C2CD4C: variants seen among roughly 807,000 people sequenced by gnomAD.
C2CD4C encodes the protein C2 calcium-dependent domain-containing protein 4C.
In C2CD4C, 3 loss-of-function variants were observed where a neutral mutation model predicts 4.1. The ratio of observed to expected loss-of-function variants is 0.73; its 90% confidence interval spans 0.33 to 1.88. C2CD4C has a LOEUF of 1.88. Ranked by LOEUF, C2CD4C falls within the 40% of genes most tolerant of loss-of-function variation. The pLI, the probability that C2CD4C is intolerant of heterozygous loss-of-function variation, is 0.08. For synonymous variants in C2CD4C, 364 were observed against 290.4 expected, an observed-to-expected ratio of 1.25 and a Z score of -2.57; for missense variants, 664 against 621.5, an observed-to-expected ratio of 1.07 and a Z score of -0.73.
In C2CD4C at chr19:407,506, G is replaced by C. The variant is rs1384191247; in HGVS notation, c.856C>G (p.Pro286Ala). The C allele has an allele frequency of 1.4e-6, 2 of 1,381,552 alleles. No homozygotes were observed. The highest frequency in any genetic ancestry group is 3.0e-5 in the East Asian group (1 of 32,982). 85.6% of individuals were successfully genotyped at this position (1,381,552 alleles called of 1,614,324 possible). A position where few individuals can be genotyped will look rare whatever the true frequency, so the allele number is the denominator to read the frequency against. Residue 286 changes from proline to alanine, a missense_variant, in exon 2 of 2, where the codon CCG becomes GCG. Physicochemically the swap from Pro to Ala is conservative, Grantham distance 27. Transcript: ENST00000332235. The stretch of plus-strand genomic sequence containing the variant: ...TGGCCCGACTCGGGGCCAGGTTCCG[G>C]GGGTGCCCGGCGGGTCAGGCGGCGC... ...SRRRLTRRAPPEPGPESGQAR... is the reference protein window; with the variant it reads ...SRRRLTRRAPAEPGPESGQAR...
chr19:408,505 G>T (rs1364015981), intron 1 of C2CD4C, 104 bp from the exon 2 acceptor site: 2 of 649,332 alleles, frequency 3.1e-6, no homozygotes, highest in Non-Finnish European at 2.4e-6. Flanking sequence ...CCGGCGGGGT[G>T]GGGGTGGAGG....
Position 407,548 on chromosome 19 carries a change from C to T in C2CD4C, c.814G>A (p.Ala272Thr), listed in dbSNP as rs1407962276. ...AGGCGGCGCCGGCTCCCGGGGCTGG[C>T]GTCCGGGGTGCTGTCGTCCGCAGAC... ...SLSADDSTPD[A>T]SPGSRRRLTR... The change falls in exon 2 of 2, where the codon GCC becomes ACC. Residue 272 changes from alanine (A) to threonine (T), a missense_variant. By Grantham distance (58) the Ala-to-Thr change is moderately conservative. Transcript: ENST00000332235. 6 of 1,397,184 alleles carry T rather than the reference C, an allele frequency of 4.3e-6. No homozygotes were observed. The highest frequency in any genetic ancestry group is 3.7e-6 in the Non-Finnish European group (4 of 1,076,644). 86.5% of individuals were successfully genotyped at this position (1,397,184 alleles called of 1,614,324 possible). A position where few individuals can be genotyped will look rare whatever the true frequency, so the allele number is the denominator to read the frequency against.
In C2CD4C at chr19:408,217, C is replaced by A; in HGVS notation, c.145G>T (p.Asp49Tyr). The change falls in exon 2 of 2, where the codon GAC becomes TAC. Residue 49 changes from aspartate (D) to tyrosine (Y), a missense_variant. Transcript: ENST00000332235. ...SNVLTPDKIPDFFIPPKLPSG... is the reference protein window; with the variant it reads ...SNVLTPDKIPYFFIPPKLPSG... Reference sequence around the variant, plus strand: ...GGCAGCTTGGGGGGGATGAAAAAGTCGGGGATCTTGTCGGGCGTCAACACA... The same window carrying A: ...GGCAGCTTGGGGGGGATGAAAAAGTAGGGGATCTTGTCGGGCGTCAACACA... The A allele has an allele frequency of 6.8e-7, 1 of 1,462,420 alleles. No homozygotes were observed. Among genetic ancestry groups the A allele is most frequent in the South Asian group, 1.4e-5 (1 of 69,912 alleles). 90.6% of individuals were successfully genotyped at this position (1,462,420 alleles called of 1,614,324 possible). A position where few individuals can be genotyped will look rare whatever the true frequency, so the allele number is the denominator to read the frequency against.
chr19:408,129 A>T lies in C2CD4C; in HGVS notation c.233T>A (p.Leu78Gln). 1 of 1,465,740 alleles carries T rather than the reference A, an allele frequency of 6.8e-7. No individual in the cohort carries two copies. Among genetic ancestry groups the T allele is most frequent in the South Asian group, 1.4e-5 (1 of 69,610 alleles). The allele number at this position is 1,465,740 out of a possible 1,614,324, so 90.8% of individuals were successfully genotyped here. Reference protein sequence around the residue: ...ALGPSTSEQNLASAAPRQTPR... With the variant: ...ALGPSTSEQNQASAAPRQTPR... ...GGTCTGGCGGGGGGCCGCAGAGGCC[A>T]GGTTCTGTTCCGACGTGGAGGGGCC... Residue 78 changes from leucine to glutamine, a missense_variant, in exon 2 of 2, where the codon CTG (leucine) becomes CAG (glutamine). Physicochemically the swap from Leu to Gln is moderately radical, Grantham distance 113 (BLOSUM62 -2). Transcript: ENST00000332235.
At position 408,160 on chromosome 19, in the gene C2CD4C, CG is replaced by C; in HGVS notation, c.201del (p.Ala68ArgfsTer37). Reference protein sequence around the residue: ...PSGPAEGEGQAALGPSTSEQN... With the variant: ...PSGPAEGEGQXALGPSTSEQN... ...TGTTCCGACGTGGAGGGGCCCAGCG[CG>C]GCCTGTCCCTCGCCCTCCGCGGGGC... On this transcript the variant is annotated frameshift_variant, in exon 2 of 2. Coordinates refer to ENST00000332235, the MANE Select transcript of C2CD4C (RefSeq NM_001136263.2). LOFTEE classifies it low-confidence loss of function (END_TRUNC). 6.9e-7 allele frequency: 1 copy of C among 1,451,944 alleles called. No homozygotes were observed. The highest frequency in any genetic ancestry group is 9.1e-7 in the Non-Finnish European group (1 of 1,101,860). The allele number at this position is 1,451,944 out of a possible 1,614,324, so 89.9% of individuals were successfully genotyped here.
Position 407,816 on chromosome 19 carries a change from C to A in C2CD4C, c.546G>T (p.Gly182=). 6.5e-7 allele frequency: 1 copy of A among 1,538,158 alleles called. No individual in the cohort carries two copies. The highest frequency in any genetic ancestry group is 8.8e-7 in the Non-Finnish European group (1 of 1,141,428). The part of the protein sequence containing the change: ...ALAQVGSPGA[G]RRRAAAKANG... ...TGGCCTTGGCAGCTGCCCGGCGGCG[C>A]CCGGCCCCTGGGGAGCCCACCTGGG... The change falls in exon 2 of 2, where the codon GGG becomes GGT. Residue 182 remains glycine, a synonymous_variant. Transcript: ENST00000332235.
rs1432054215 is a variant in C2CD4C at position 407,489 on chromosome 19, C to T, written c.873G>A (p.Glu291=). The T allele has an allele frequency of 2.2e-6, 3 of 1,381,248 alleles. No individual in the cohort carries two copies. Among genetic ancestry groups the T allele is most frequent in the Non-Finnish European group, 2.8e-6 (3 of 1,071,868 alleles). The allele number at this position is 1,381,248 out of a possible 1,614,324, so 85.6% of individuals were successfully genotyped here. The change falls in exon 2 of 2, where the codon GAG becomes GAA. Residue 291 remains glutamate (E), a synonymous_variant. Coordinates refer to ENST00000332235, the MANE Select transcript of C2CD4C (RefSeq NM_001136263.2). ...TGTGCTCCCCACGCGCCTGGCCCGACTCGGGGCCAGGTTCCGGGGGTGCCC... is the reference window on the plus strand; with the variant it reads ...TGTGCTCCCCACGCGCCTGGCCCGATTCGGGGCCAGGTTCCGGGGGTGCCC... The part of the protein sequence containing the change: ...TRRAPPEPGP[E]SGQARGEHTV...
In C2CD4C at chr19:407,584, G is replaced by T. The variant is rs546845194; in HGVS notation, c.778C>A (p.His260Asn). The T allele has an allele frequency of 7.0e-7, 1 of 1,429,420 alleles. No homozygotes were observed. The highest frequency in any genetic ancestry group is 3.0e-5 in the Admixed American group (1 of 32,808). 88.5% of individuals were successfully genotyped at this position (1,429,420 alleles called of 1,614,324 possible). A position where few individuals can be genotyped will look rare whatever the true frequency, so the allele number is the denominator to read the frequency against. Reference protein sequence around the residue: ...VSQLRHSVGRHGSLSADDSTP... With the variant: ...VSQLRHSVGRNGSLSADDSTP... ...CTGTCGTCCGCAGACAGGGAGCCGT[G>T]GCGGCCCACGGAGTGCCGGAGCTGG... The change falls in exon 2 of 2, where the codon CAC (histidine) becomes AAC (asparagine). Residue 260 changes from histidine to asparagine, a missense_variant. His to Asn is a moderately conservative substitution (Grantham distance 68, BLOSUM62 1). Transcript: ENST00000332235.
rs1366005723 is a variant in C2CD4C, at chr19:405,715, G to C, written c.*1381C>G. 2 of 152,194 alleles carry C rather than the reference G, an allele frequency of 1.3e-5. No individual in the cohort carries two copies. The highest frequency in any genetic ancestry group is 4.8e-5 in the African/African-American group (2 of 41,438). 9.4% of individuals were successfully genotyped at this position (152,194 alleles called of 1,614,324 possible). ...GCCCTGGGTGCCCTGGCTTCCGGGA[G>C]AGAGCGGAGCCCTGCAACACCAGGC... On this transcript the variant is annotated 3_prime_UTR_variant, in exon 2 of 2. Transcript: ENST00000332235.
chr19:408,463 T>G, intron 1 of C2CD4C, 62 bp from the exon 2 acceptor site: 3 of 687,528 alleles, frequency 4.4e-6, no homozygotes, highest in Non-Finnish European at 6.1e-6. Flanking sequence ...CCTGGGCACC[T>G]GCTCCCTGTG....
intron 1 of C2CD4C, 63 bp from the exon 2 acceptor site, chr19:408,464 G>T: frequency 9.9e-7 from 1 of 1,008,126 alleles, no homozygotes; most frequent in Non-Finnish European, 1.4e-6. Context: ...CTGGGCACCT[G>T]CTCCCTGTGG....
Position 408,025 on chromosome 19 carries a change from G to C in C2CD4C, c.337C>G (p.Gln113Glu). Reference protein sequence around the residue: ...LLKAATRHVIQIESAEDWLSE... With the variant: ...LLKAATRHVIEIESAEDWLSE... Reference sequence around the variant, plus strand: ...AGCCAGTCCTCGGCACTCTCGATCTGGATCACGTGCCGGGTGGCTGCCTTC... The same window carrying C: ...AGCCAGTCCTCGGCACTCTCGATCTCGATCACGTGCCGGGTGGCTGCCTTC... Residue 113 changes from glutamine to glutamate, a missense_variant, in exon 2 of 2, where the codon CAG (glutamine) becomes GAG (glutamate). By Grantham distance (29) the Gln-to-Glu change is conservative. Transcript: ENST00000332235. The C allele has an allele frequency of 6.5e-7, 1 of 1,547,308 alleles. No individual in the cohort carries two copies. The highest frequency in any genetic ancestry group is 8.7e-7 in the Non-Finnish European group (1 of 1,145,768).
Position 407,414 on chromosome 19 carries a change from C to G in C2CD4C, c.948G>C (p.Glu316Asp). ...RGSVRLLAEY[E>D]AGQARLRVHL... ...GCACCCGCAGGCGGGCCTGGCCGGC[C>G]TCGTACTCGGCCAGCAGCCGCACGC... is the stretch of plus-strand genomic sequence containing the variant. Residue 316 changes from glutamate to aspartate, a missense_variant, in exon 2 of 2, where the codon GAG becomes GAC. Glu to Asp is a conservative substitution (Grantham distance 45). Coordinates refer to ENST00000332235, the MANE Select transcript of C2CD4C (RefSeq NM_001136263.2). The G allele has an allele frequency of 6.5e-7, 1 of 1,527,280 alleles. No individual in the cohort carries two copies. The highest frequency in any genetic ancestry group is 8.8e-7 in the Non-Finnish European group (1 of 1,141,800). The allele number at this position is 1,527,280 out of a possible 1,614,324, so 94.6% of individuals were successfully genotyped here.
chr19:408,327 A>C lies in C2CD4C; in HGVS notation c.35T>G (p.Leu12Arg). 3.2e-6 allele frequency: 5 copies of C among 1,547,880 alleles called. No homozygotes were observed. Among genetic ancestry groups the C allele is most frequent in the Non-Finnish European group, 4.4e-6 (5 of 1,145,864 alleles). Residue 12 changes from leucine to arginine, a missense_variant, in exon 2 of 2, where the codon CTT becomes CGT. Coordinates refer to ENST00000332235, the MANE Select transcript of C2CD4C (RefSeq NM_001136263.2). ...AGCACCGTTTTCCCCAGACCCCCGAAGCCGCTCCAAGAACCACATGTTGGT... is the reference window on the plus strand; with the variant it reads ...AGCACCGTTTTCCCCAGACCCCCGACGCCGCTCCAAGAACCACATGTTGGT... Reference protein sequence around the residue: ...RKTNMWFLERLRGSGENGAAR... With the variant: ...RKTNMWFLERRRGSGENGAAR...
Position 406,900 on chromosome 19 carries a change from T to G in C2CD4C, c.*196A>C. On this transcript the variant is annotated 3_prime_UTR_variant, in exon 2 of 2. Transcript: ENST00000332235. ...AAAGGAGAAATTAATTCATGAAAAA[T>G]AATACTCCAGTCAGCATCGGGTGAC... 3.6e-6 allele frequency: 2 copies of G among 549,536 alleles called. No individual in the cohort carries two copies. Among genetic ancestry groups the G allele is most frequent in the Non-Finnish European group, 6.3e-6 (2 of 316,622 alleles). The allele number at this position is 549,536 out of a possible 1,614,324, so 34.0% of individuals were successfully genotyped here.
Position 407,635 on chromosome 19 carries a change from C to A in C2CD4C, c.727G>T (p.Ala243Ser). Residue 243 changes from alanine to serine, a missense_variant, in exon 2 of 2, where the codon GCC becomes TCC. Transcript: ENST00000332235. ...CTCACCTTGGCCTGGCTGTCCTGGG[C>A]GAAACCTTTGAGCAGAGACACGGAG... Reference protein sequence around the residue: ...SRSVSLLKGFAQDSQAKVSQL... With the variant: ...SRSVSLLKGFSQDSQAKVSQL... 1 of 1,475,806 alleles carries A rather than the reference C, an allele frequency of 6.8e-7. No individual in the cohort carries two copies. 91.4% of individuals were successfully genotyped at this position (1,475,806 alleles called of 1,614,324 possible). A position where few individuals can be genotyped will look rare whatever the true frequency, so the allele number is the denominator to read the frequency against.
intron 1 of C2CD4C, 25 bp from the exon 2 acceptor site, chr19:408,426 A>T (rs1974034847): frequency 7.5e-7 from 1 of 1,339,620 alleles, no homozygotes; most frequent in Admixed American, 2.6e-5. Context: ...AGGGGTCAGG[A>T]GCAGTGGGGG....
intron 1 of C2CD4C, 30 bp from the exon 2 acceptor site, chr19:408,431 TG>T: frequency 1.6e-5 from 18 of 1,161,136 alleles, no homozygotes; most frequent in Admixed American, 3.3e-5. Flanking sequence ...TCAGGAGCAG[TG>T]GGGGGCGGCT....
At position 406,831 on chromosome 19, in the gene C2CD4C, C is replaced by G. The variant is rs993543785; in HGVS notation, c.*265G>C. 3 of 483,392 alleles carry G rather than the reference C, an allele frequency of 6.2e-6. No homozygotes were observed. The highest frequency in any genetic ancestry group is 5.9e-5 in the African/African-American group (3 of 50,514). 29.9% of individuals were successfully genotyped at this position (483,392 alleles called of 1,614,324 possible). Reference sequence around the variant, plus strand: ...GACCCTCTGCCCCGCGAAGTGGCCCCTTCTCTTCCCCCGAGGCCCCTCTCC... The same window carrying G: ...GACCCTCTGCCCCGCGAAGTGGCCCGTTCTCTTCCCCCGAGGCCCCTCTCC... On this transcript the variant is annotated 3_prime_UTR_variant, in exon 2 of 2. Transcript: ENST00000332235.
Sources: gnomAD v4.1 joint callset for allele counts on GRCh38, gnomAD v4.1.1 for gene constraint, MANE v1.5 for transcripts, NCBI Gene and HGNC (gene_info 2026-07-23, HGNC 2026-07-21) for gene names.